The following CSMD1 variants were observed in gnomAD, a reference collection of about 807,000 sequenced individuals.
The protein encoded by CSMD1 is CUB and sushi domain-containing protein 1.
CSMD1 carries 213 observed loss-of-function variants against 417.5 expected under a neutral mutation model. That is an observed-to-expected ratio of 0.51 (90% CI 0.46 to 0.57). The LOEUF is 0.57. Among genes scored for constraint, CSMD1 ranks in the 20% least tolerant of loss-of-function variants. The pLI is 0.00. For missense variants in CSMD1, 6,923 were observed against 4,529.7 expected (o/e 1.53, Z -15.17); for synonymous variants, 2,862 against 1,736.8 (o/e 1.65, Z -16.11).
At chr8:3,329,323 G>C (rs1209435841) in intron 23 of CSMD1, among the ~76,000 whole-genome samples, 2 of 152,050 alleles carry the variant, frequency 1.3e-5, no homozygotes, top group African/African-American at 4.8e-5. Context: ...CTAAGAGCAG[G>C]CTTCATCATG....
In CSMD1 at chr8:3,772,791, G is replaced by C. The variant is rs1008685440; in HGVS notation, c.819-18749C>G. 2.6e-5 allele frequency among the ~76,000 whole-genome samples: 4 copies of C among 151,532 alleles called. No homozygotes were observed. In the Admixed American group the frequency reaches 2.6e-4, roughly 10 times the overall value. ...GAATGTCTGGTCTATAAAGCACCAT[G>C]ACAGCCAACTGGAAGTCTGTGTTTA... On this transcript the variant is annotated intron_variant, in intron 5 of 69. Transcript: ENST00000635120.
intron 3 of CSMD1, among the ~76,000 whole-genome samples, chr8:4,245,516 A>C (rs961073918): frequency 9.2e-5 from 14 of 152,162 alleles, no homozygotes; most frequent in African/African-American, 3.4e-4. Flanking sequence ...GATGTTTCCC[A>C]ATCCATGGTC....
At chr8:3,537,342 G>T (rs937417515) in intron 10 of CSMD1, among the ~76,000 whole-genome samples, 5 of 152,146 alleles carry the variant, frequency 3.3e-5, no homozygotes, top group Non-Finnish European at 7.3e-5. Flanking sequence ...CCTATCACCT[G>T]TATGAGTTTT....
chr8:4,489,129 C>G (rs1294702619), intron 2 of CSMD1, among the ~76,000 whole-genome samples: 1 of 152,124 alleles, frequency 6.6e-6, no homozygotes, highest in Non-Finnish European at 1.5e-5. Context: ...CCAGGCTGGT[C>G]TCAAACTCCT....
chr8:4,421,696 A>G (rs904687739), intron 2 of CSMD1, among the ~76,000 whole-genome samples: 1 of 152,092 alleles, frequency 6.6e-6, no homozygotes, highest in Non-Finnish European at 1.5e-5. Context: ...AGTGCTGAGA[A>G]GGTAATTAGT....
At chr8:3,389,960 G>A (rs6981041) in intron 17 of CSMD1, among the ~76,000 whole-genome samples, 71,305 of 151,936 alleles carry the variant, frequency 0.47, 17,142 homozygotes, top group African/African-American at 0.56. Context: ...CAGGACGGGA[G>A]GACTGTTGAG....
chr8:4,216,226 C>T (rs1028888545), intron 3 of CSMD1, among the ~76,000 whole-genome samples: 3 of 152,156 alleles, frequency 2.0e-5, no homozygotes, highest in South Asian at 2.1e-4. Flanking sequence ...CCTGTTCCTG[C>T]ACATGCCCTT....
At chr8:3,903,071 T>G (rs1186815455) in intron 5 of CSMD1, among the ~76,000 whole-genome samples, 2 of 152,158 alleles carry the variant, frequency 1.3e-5, no homozygotes. Context: ...GATAACTGCC[T>G]GCTGTCTGTA....
chr8:4,730,696 G>T (rs1489293813), intron 1 of CSMD1, among the ~76,000 whole-genome samples: 1 of 151,856 alleles, frequency 6.6e-6, no homozygotes, highest in African/African-American at 2.4e-5. Flanking sequence ...AGGAGAGATC[G>T]TGCCACTGCA....
intron 17 of CSMD1, among the ~76,000 whole-genome samples, chr8:3,394,783 G>A (rs1353042570): frequency 2.6e-5 from 4 of 152,004 alleles, no homozygotes; most frequent in Non-Finnish European, 5.9e-5. Flanking sequence ...AAATTTCCTG[G>A]TTCTTAAATT....
intron 5 of CSMD1, among the ~76,000 whole-genome samples, chr8:3,855,814 G>C (rs1563148876): frequency 6.6e-6 from 1 of 152,110 alleles, no homozygotes; most frequent in East Asian, 1.9e-4. Flanking sequence ...TTACTAGTAG[G>C]GTATTACGTA....
intron 3 of CSMD1, among the ~76,000 whole-genome samples, chr8:4,360,699 T>G (rs1049788999): frequency 2.0e-5 from 3 of 152,090 alleles, no homozygotes; most frequent in Non-Finnish European, 4.4e-5. Flanking sequence ...TTCAACATCT[T>G]AGCCAGGATG....
rs200421258 is a variant in CSMD1 at position 3,736,718 on chromosome 8, A to T, written c.931+17212T>A. Among the ~76,000 whole-genome samples, 4 of 152,180 alleles carry T rather than the reference A, an allele frequency of 2.6e-5. No homozygotes were observed. In the East Asian group the frequency reaches 7.7e-4, roughly 29 times the overall value. On this transcript the variant is annotated intron_variant, in intron 6 of 69. Coordinates refer to ENST00000635120, the MANE Select transcript of CSMD1 (RefSeq NM_033225.6). ...CTGGGGATAAGGACACACCTGCTTC[A>T]CACTGCCTGGCTTCAAATTCACCTT...
chr8:4,453,541 G>T (rs866067483), intron 2 of CSMD1, among the ~76,000 whole-genome samples: 32 of 152,260 alleles, frequency 2.1e-4, no homozygotes, highest in African/African-American at 7.2e-4. Context: ...GAACACAGCC[G>T]ACAGAATAAC....
At chr8:3,916,267 G>A (rs1010554303) in intron 5 of CSMD1, among the ~76,000 whole-genome samples, 1 of 152,082 alleles carries the variant, frequency 6.6e-6, no homozygotes, top group Non-Finnish European at 1.5e-5. Context: ...CAGGAGCCCA[G>A]AAAGCTTTTG....
chr8:4,051,075 C>A (rs1055430271), intron 3 of CSMD1, among the ~76,000 whole-genome samples: 7 of 151,984 alleles, frequency 4.6e-5, no homozygotes, highest in African/African-American at 1.5e-4. Flanking sequence ...TTGAAGCGCA[C>A]TGCCCTGAGT....
At chr8:4,105,671 C>G (rs560304447) in intron 3 of CSMD1, among the ~76,000 whole-genome samples, 11 of 152,172 alleles carry the variant, frequency 7.2e-5, no homozygotes, top group Admixed American at 5.2e-4. Context: ...ACCCCATTAG[C>G]AGGTTTACCT....
intron 5 of CSMD1, among the ~76,000 whole-genome samples, chr8:3,937,674 G>T (rs1021045610): frequency 3.2e-4 from 48 of 152,164 alleles, no homozygotes; most frequent in African/African-American, 1.2e-3. Flanking sequence ...CTGAAGTACG[G>T]CTGCATATCA....
chr8:3,612,617 A>G (rs151312398), intron 8 of CSMD1, among the ~76,000 whole-genome samples: 196 of 152,302 alleles, frequency 1.3e-3, no homozygotes, highest in African/African-American at 4.6e-3. Context: ...ATCTCTAACC[A>G]TGCAGATTCT....
Sources: allele counts gnomAD v4.1 joint callset (sites outside exome capture counted in the v4.1 genomes callset), GRCh38; gene constraint gnomAD v4.1.1; transcripts MANE v1.5; gene names NCBI Gene and HGNC (gene_info 2026-07-23, HGNC 2026-07-21).